The following UNC5D variants were observed in gnomAD, a reference collection of about 807,000 sequenced individuals.
The protein encoded by UNC5D is netrin receptor UNC5D.
UNC5D carries 39 observed loss-of-function variants against 105.4 expected under a neutral mutation model. The ratio of observed to expected loss-of-function variants is 0.37; its 90% confidence interval spans 0.29 to 0.48. The LOEUF (loss-of-function observed/expected upper bound fraction) is 0.48, where lower values mean the gene tolerates loss of function less well. Among genes scored for constraint, UNC5D ranks in the 20% least tolerant of loss-of-function variants. The pLI is 0.98. For synonymous variants in UNC5D, 452 were observed against 450.4 expected, an observed-to-expected ratio of 1.00 and a Z score of -0.04; for missense variants, 991 against 1,202.4, an observed-to-expected ratio of 0.82 and a Z score of 2.60.
intron 1 of UNC5D, among the ~76,000 whole-genome samples, chr8:35,515,270 TG>T (rs1813033698): frequency 6.6e-6 from 1 of 152,242 alleles, no homozygotes; most frequent in Non-Finnish European, 1.5e-5. Flanking sequence ...CATTAGTGCA[TG>T]GGTATAGATG....
chr8:35,664,395 G>A (rs1824299628), intron 4 of UNC5D, among the ~76,000 whole-genome samples: 1 of 152,084 alleles, frequency 6.6e-6, no homozygotes, highest in African/African-American at 2.4e-5. Flanking sequence ...TGTTTGAGAT[G>A]GAGCCTTTCT....
At chr8:35,319,312 C>T (rs1261869624) in intron 1 of UNC5D, among the ~76,000 whole-genome samples, 1 of 152,038 alleles carries the variant, frequency 6.6e-6, no homozygotes, top group Non-Finnish European at 1.5e-5. Flanking sequence ...GTTTTCAGAC[C>T]GCATTTTAAA....
intron 1 of UNC5D, among the ~76,000 whole-genome samples, chr8:35,435,064 G>A (rs1017237643): frequency 5.9e-5 from 9 of 152,086 alleles, no homozygotes; most frequent in Admixed American, 1.3e-4. Context: ...TGGAAAGACT[G>A]TGGAGTATGG....
At chr8:35,391,103 T>C (rs569897858) in intron 1 of UNC5D, among the ~76,000 whole-genome samples, 5 of 152,350 alleles carry the variant, frequency 3.3e-5, no homozygotes, top group Admixed American at 6.5e-5. Flanking sequence ...GAATGTTATA[T>C]GCTGTAGGCA....
chr8:35,688,439 T>C (rs1826170409), intron 7 of UNC5D, among the ~76,000 whole-genome samples: 1 of 152,208 alleles, frequency 6.6e-6, no homozygotes, highest in Admixed American at 6.5e-5. Flanking sequence ...GTATGGTTCA[T>C]ACATTGGTTA....
At chr8:35,294,085 G>A (rs1457088285) in intron 1 of UNC5D, among the ~76,000 whole-genome samples, 3 of 152,154 alleles carry the variant, frequency 2.0e-5, no homozygotes, top group African/African-American at 4.8e-5. Flanking sequence ...TTGTTGTCCA[G>A]GCCTTCTTGT....
At position 35,576,751 on chromosome 8, in the gene UNC5D, T is replaced by C. The variant is rs939514019; in HGVS notation, c.466+8510T>C. On this transcript the variant is annotated intron_variant, in intron 3 of 16. Coordinates refer to ENST00000404895, the MANE Select transcript of UNC5D (RefSeq NM_080872.4). ...CCTCAGCCTCCTGAGTAGCTGGGAC[T>C]ACAGGTGCCTGCCACCAGGCCCAGC... Among the ~76,000 whole-genome samples, 4 of 152,292 alleles carry C rather than the reference T, an allele frequency of 2.6e-5. No homozygotes were observed. The East Asian group carries it at 7.7e-4, about 29-fold the overall frequency.
chr8:35,644,339 T>C (rs999643467), intron 4 of UNC5D, among the ~76,000 whole-genome samples: 3 of 152,246 alleles, frequency 2.0e-5, no homozygotes, highest in Admixed American at 1.3e-4. Context: ...CTTAAAGCCC[T>C]TTTTTCTTAT....
chr8:35,461,116 G>A (rs1287902395), intron 1 of UNC5D, among the ~76,000 whole-genome samples: 1 of 152,152 alleles, frequency 6.6e-6, no homozygotes, highest in Non-Finnish European at 1.5e-5. Context: ...CTAAAGGAAG[G>A]CTCCAATATT....
chr8:35,709,490 G>A (rs983692507), intron 8 of UNC5D, among the ~76,000 whole-genome samples: 3 of 152,064 alleles, frequency 2.0e-5, no homozygotes, highest in African/African-American at 7.2e-5. Flanking sequence ...AGGAGTTCGA[G>A]ACCAGCCTGG....
intron 1 of UNC5D, among the ~76,000 whole-genome samples, chr8:35,279,990 T>G (rs1806035142): frequency 1.3e-5 from 2 of 152,092 alleles, no homozygotes; most frequent in African/African-American, 4.8e-5. Context: ...CTACCTTTAC[T>G]TTCTTTCTTT....
chr8:35,450,326 T>C (rs532876023), intron 1 of UNC5D, among the ~76,000 whole-genome samples: 1 of 152,286 alleles, frequency 6.6e-6, no homozygotes, highest in Admixed American at 6.5e-5. Context: ...TGGTCTTCTA[T>C]CAATACGGAG....
At chr8:35,676,838 C>G (rs375009808) in intron 4 of UNC5D, among the ~76,000 whole-genome samples, 43 of 151,408 alleles carry the variant, frequency 2.8e-4, no homozygotes, top group African/African-American at 4.9e-4. Flanking sequence ...CACCAGGGGT[C>G]GGAAGTCTGG....
chr8:35,743,606 T>G (rs1829871112), intron 11 of UNC5D, among the ~76,000 whole-genome samples: 1 of 152,008 alleles, frequency 6.6e-6, no homozygotes, highest in African/African-American at 2.4e-5. Context: ...AAAAAAATTT[T>G]TTTTAAATCT....
chr8:35,322,330 C>T (rs1809811035), intron 1 of UNC5D, among the ~76,000 whole-genome samples: 2 of 151,316 alleles, frequency 1.3e-5, no homozygotes, highest in Admixed American at 6.6e-5. Flanking sequence ...ATGTTTTTTT[C>T]TCCCCCCTTT....
intron 4 of UNC5D, among the ~76,000 whole-genome samples, chr8:35,658,720 C>T (rs1268817953): frequency 2.7e-5 from 4 of 147,958 alleles, no homozygotes; most frequent in African/African-American, 1.0e-4. Context: ...GGCGCGACCT[C>T]GGCTCACTGC....
intron 1 of UNC5D, among the ~76,000 whole-genome samples, chr8:35,527,122 T>A (rs1433107648): frequency 6.6e-6 from 1 of 152,192 alleles, no homozygotes. Context: ...TTGGTTATTT[T>A]TTTTTTTTCT....
At chr8:35,647,010 T>C (rs1485814029) in intron 4 of UNC5D, among the ~76,000 whole-genome samples, 2 of 152,156 alleles carry the variant, frequency 1.3e-5, no homozygotes, top group Non-Finnish European at 2.9e-5. Context: ...CAAACATAGA[T>C]ACAGCATTGA....
chr8:35,715,408 A>G (rs1197816153), intron 8 of UNC5D, among the ~76,000 whole-genome samples: 1 of 152,232 alleles, frequency 6.6e-6, no homozygotes, highest in Non-Finnish European at 1.5e-5. Flanking sequence ...TTTGCATAGT[A>G]TATGTACCTG....
Sources: allele counts gnomAD v4.1 joint callset (sites outside exome capture counted in the v4.1 genomes callset), GRCh38; gene constraint gnomAD v4.1.1; transcripts MANE v1.5; gene names NCBI Gene and HGNC (gene_info 2026-07-23, HGNC 2026-07-21).